Variants in PARVB observed in about 807,000 individuals in gnomAD.
PARVB encodes the protein parvin beta.
A neutral mutation model predicts 47.0 loss-of-function variants in PARVB; 46 were observed. The observed-to-expected ratio is 0.98, with a 90% confidence interval of 0.77 to 1.25. PARVB has a LOEUF of 1.25. Among genes scored for constraint, PARVB ranks in the 50% most tolerant of loss-of-function variants. PARVB has a pLI of 0.00. For missense variants in PARVB, 473 were observed against 471.6 expected, an observed-to-expected ratio of 1.00 and a Z score of -0.03; for synonymous variants, 196 against 196.3, an observed-to-expected ratio of 1.00 and a Z score of 0.01.
intron 1 of PARVB, among the ~76,000 whole-genome samples, chr22:44,055,678 C>CTCTCTCTCTCTCTCTCTATATATATATA (rs1438284048): frequency 3.0e-4 from 43 of 142,726 alleles, no homozygotes; most frequent in African/African-American, 1.1e-3. Flanking sequence ...CTCTCTCTCT[C>CTCTCTCTCTCTCTCTCTATATATATATA]TATATATATA....
intron 3 of PARVB, among the ~76,000 whole-genome samples, chr22:44,117,482 C>G (rs923386359): frequency 1.3e-5 from 2 of 152,142 alleles, no homozygotes. Flanking sequence ...CCAGCCACCT[C>G]GCAGAGAGAG....
intron 2 of PARVB, among the ~76,000 whole-genome samples, chr22:44,012,907 T>A (rs200817165): frequency 7.0e-6 from 1 of 142,916 alleles, no homozygotes. Context: ...TTTTTTTTTT[T>A]AACTTTTTTG....
intron 1 of PARVB, among the ~76,000 whole-genome samples, chr22:44,043,870 C>T (rs1322648962): frequency 1.3e-5 from 2 of 152,278 alleles, no homozygotes; most frequent in East Asian, 3.9e-4. Context: ...CCGGGACAGA[C>T]ATGGAATTTT....
Position 44,157,962 on chromosome 22 carries a change from T to C in PARVB, c.844-20T>C. On this transcript the variant is annotated intron_variant, in intron 10 of 12. Transcript: ENST00000338758. The stretch of plus-strand genomic sequence containing the variant: ...CAACTCCTTACCCTGCCCGGAAACA[T>C]CACAAGTCTTTCTCTGCAGTTTGCA... 6.3e-7 allele frequency: 1 copy of C among 1,584,062 alleles called. No individual in the cohort carries two copies. The highest frequency in any genetic ancestry group is 8.7e-7 in the Non-Finnish European group (1 of 1,153,052).
intron 12 of PARVB, among the ~76,000 whole-genome samples, chr22:44,166,085 G>A (rs1036226697): frequency 2.0e-5 from 3 of 152,180 alleles, no homozygotes; most frequent in African/African-American, 7.2e-5. Context: ...TGCTGAGGGA[G>A]CCCTGCTTCT....
rs77724085 is a variant in PARVB at position 44,156,791 on chromosome 22, C to T, written c.844-1191C>T. On this transcript the variant is annotated intron_variant, in intron 10 of 12. Transcript: ENST00000338758. Reference sequence around the variant, plus strand: ...GAGACACAAAAGATAAATGGATATGCGATTCCACTTACGTGAGATACCCAG... The same window carrying T: ...GAGACACAAAAGATAAATGGATATGTGATTCCACTTACGTGAGATACCCAG... 2.4e-3 allele frequency among the ~76,000 whole-genome samples: 361 copies of T among 152,094 alleles called. 2 individuals carry two copies. Among genetic ancestry groups the T allele is most frequent in the African/African-American group, 8.4e-3 (347 of 41,490 alleles).
At chr22:44,130,453 G>A (rs2053284457) in intron 4 of PARVB, among the ~76,000 whole-genome samples, 1 of 152,206 alleles carries the variant, frequency 6.6e-6, no homozygotes, top group Non-Finnish European at 1.5e-5. Context: ...GTGCAGGCTG[G>A]GCTGGAGCTC....
rs369446610 is a variant in PARVB, at chr22:44,154,868, T to G, written c.844-3114T>G. 9.7e-5 allele frequency among the ~76,000 whole-genome samples: 14 copies of G among 143,808 alleles called. No homozygotes were observed. In the East Asian group the frequency reaches 1.9e-3, roughly 19 times the overall value. 94.3% of individuals were successfully genotyped at this position (143,808 alleles called of 152,430 possible). On this transcript the variant is annotated intron_variant, in intron 10 of 12. Transcript: ENST00000338758. ...TGGTTTATGCAGTCTGTGGTGGGGGTGTGTGTGTGTGGTTTTTGTAGTCTG... is the reference window on the plus strand; with the variant it reads ...TGGTTTATGCAGTCTGTGGTGGGGGGGTGTGTGTGTGGTTTTTGTAGTCTG...
intron 1 of PARVB, among the ~76,000 whole-genome samples, chr22:44,029,988 GT>G (rs2050796877): frequency 6.6e-6 from 1 of 152,190 alleles, no homozygotes; most frequent in South Asian, 2.1e-4. Context: ...AAGTTTCTTT[GT>G]GGACTTTAAA....
At chr22:44,032,780 C>T (rs1417017859) in intron 1 of PARVB, among the ~76,000 whole-genome samples, 1 of 152,130 alleles carries the variant, frequency 6.6e-6, no homozygotes, top group African/African-American at 2.4e-5. Context: ...GTACCTAACC[C>T]TGTGTTGAGA....
Position 44,168,590 on chromosome 22 carries a change from T to C in PARVB, c.1019-12T>C. On this transcript the variant is annotated splice_polypyrimidine_tract_variant and intron_variant, in intron 12 of 12. Coordinates refer to ENST00000338758, the MANE Select transcript of PARVB (RefSeq NM_013327.5). ...TGGCACGCCTCTGAAGTTTCTCTGT[T>C]TCCTTCTGCAGACGTGGTTAACTTG... is the stretch of plus-strand genomic sequence containing the variant. 1 of 1,600,296 alleles carries C rather than the reference T, an allele frequency of 6.2e-7. No individual in the cohort carries two copies. Among genetic ancestry groups the C allele is most frequent in the Non-Finnish European group, 8.6e-7 (1 of 1,167,610 alleles).
intron 3 of PARVB, chr22:44,111,196 G>T (rs2052688314): frequency 6.6e-6 from 1 of 151,952 alleles, no homozygotes; most frequent in Non-Finnish European, 1.5e-5. Context: ...ATTAGAGCTG[G>T]AATTGCCGGG....
At chr22:44,137,594 GC>G (rs1282262831) in intron 7 of PARVB, among the ~76,000 whole-genome samples, 7 of 152,206 alleles carry the variant, frequency 4.6e-5, no homozygotes, top group African/African-American at 7.2e-5. Context: ...GCTGGGCTCA[GC>G]TGGGCGGTTG....
At chr22:44,143,022 C>T (rs2053589540) in intron 8 of PARVB, 1 of 152,306 alleles carries the variant, frequency 6.6e-6, no homozygotes, top group African/African-American at 2.4e-5. Flanking sequence ...CCGAGAGCAC[C>T]CCAGGGTGCT....
intron 1 of PARVB, among the ~76,000 whole-genome samples, chr22:44,067,604 T>G (rs1287783746): frequency 6.6e-6 from 1 of 152,232 alleles, no homozygotes; most frequent in African/African-American, 2.4e-5. Flanking sequence ...GTCTGTGCCC[T>G]CATGATGTCC....
chr22:44,098,986 T>C (rs2052376155), intron 2 of PARVB, among the ~76,000 whole-genome samples: 1 of 152,128 alleles, frequency 6.6e-6, no homozygotes, highest in African/African-American at 2.4e-5. Flanking sequence ...TCAAAGCTGT[T>C]TTCATTCTGA....
At chr22:44,055,713 G>A (rs969199640) in intron 1 of PARVB, among the ~76,000 whole-genome samples, 1 of 150,732 alleles carries the variant, frequency 6.6e-6, no homozygotes, top group Non-Finnish European at 1.5e-5. Flanking sequence ...TTGATTATAA[G>A]TTATTGGCTC....
intron 11 of PARVB, among the ~76,000 whole-genome samples, chr22:44,158,411 C>G (rs1030568954): frequency 1.3e-5 from 2 of 152,170 alleles, no homozygotes; most frequent in African/African-American, 4.8e-5. Context: ...TGTGGTTTTC[C>G]CTGCTGCTTC....
chr22:44,002,917 C>G lies in PARVB; in HGVS notation c.211+3244C>G, dbSNP rs117469470. Among the ~76,000 whole-genome samples, 197 of 152,116 alleles carry G rather than the reference C, an allele frequency of 1.3e-3. 2 individuals are homozygous for G. In the East Asian group the frequency reaches 0.021, roughly 16 times the overall value. On this transcript the variant is annotated intron_variant, in intron 2 of 13. Coordinates refer to the PARVB transcript ENST00000406477. ...ACAAGTAAATTACTGGATTCCTTTG[C>G]CAAATCATTAGATAACTTTTAAGAG...
Sources: gnomAD v4.1 joint callset for allele counts (sites outside exome capture counted in the v4.1 genomes callset) on GRCh38, gnomAD v4.1.1 for gene constraint, MANE v1.5 for transcripts, NCBI Gene and HGNC (gene_info 2026-07-23, HGNC 2026-07-21) for gene names.